The following OR4K17 variants were observed in gnomAD, a reference collection of about 807,000 sequenced individuals.
OR4K17 encodes olfactory receptor 4K17.
For synonymous variants in OR4K17, 157 were observed against 132.8 expected, an observed-to-expected ratio of 1.18 and a Z score of -1.25; for missense variants, 480 against 366.3, an observed-to-expected ratio of 1.31 and a Z score of -2.53.
Position 20,117,984 on chromosome 14 carries a change from T to A in OR4K17, c.485T>A (p.Phe162Tyr), listed in dbSNP as rs373888118. ...CTTCACTCAGGGTTTCAGATACCAT[T>A]TGCTGTGAACTTGCCCTTTTGTGGT... ...GLLHSGFQIPFAVNLPFCGPN... is the reference protein window; with the variant it reads ...GLLHSGFQIPYAVNLPFCGPN... Residue 162 changes from phenylalanine to tyrosine, a missense_variant, in exon 2 of 2, where the codon TTT becomes TAT. Coordinates refer to ENST00000641386, the MANE Select transcript of OR4K17 (RefSeq NM_001004715.5). The A allele has an allele frequency of 1.2e-6, 2 of 1,614,060 alleles. No individual in the cohort carries two copies. The highest frequency in any genetic ancestry group is 1.7e-6 in the Non-Finnish European group (2 of 1,180,034).
chr14:20,119,704 G>A lies in OR4K17; in HGVS notation c.*1266G>A, dbSNP rs1226454132. On this transcript the variant is annotated 3_prime_UTR_variant, in exon 2 of 2. Coordinates refer to ENST00000641386, the MANE Select transcript of OR4K17 (RefSeq NM_001004715.5). ...AATACAAAAATTAGCCAGGCGTGGT[G>A]GTGCATCCCTGCAATCCCAGCTATT... 1 of 152,104 alleles carries A rather than the reference G, an allele frequency of 6.6e-6. No homozygotes were observed. Among genetic ancestry groups the A allele is most frequent in the Non-Finnish European group, 1.5e-5 (1 of 68,084 alleles). The allele number at this position is 152,104 out of a possible 1,614,324, so 9.4% of individuals were successfully genotyped here. A position where few individuals can be genotyped will look rare whatever the true frequency, so the allele number is the denominator to read the frequency against.
chr14:20,115,594 G>A (rs924906430), intron 1 of OR4K17, among the ~76,000 whole-genome samples: 9 of 152,048 alleles, frequency 5.9e-5, no homozygotes, highest in African/African-American at 2.2e-4. Context: ...CTGTTACCAT[G>A]AAGATTTTAT....
Position 20,118,298 on chromosome 14 carries a change from G to C in OR4K17, c.799G>C (p.Val267Leu). The C allele has an allele frequency of 1.7e-5, 28 of 1,613,748 alleles. No individual in the cohort carries two copies. Among genetic ancestry groups the C allele is most frequent in the Non-Finnish European group, 2.4e-5 (28 of 1,179,736 alleles). The change falls in exon 2 of 2, where the codon GTA (valine) becomes CTA (leucine). Residue 267 changes from valine (V) to leucine (L), a missense_variant. Transcript: ENST00000641386. ...IYIWPFGNHSVDKFLAVFYTI... is the reference protein window; with the variant it reads ...IYIWPFGNHSLDKFLAVFYTI... ...CATTTGGCCCTTCGGCAACCACTCT[G>C]TAGATAAGTTCCTTGCTGTGTTTTA...
chr14:20,120,116 G>A lies in OR4K17; in HGVS notation c.*1678G>A, dbSNP rs1878127631. The A allele has an allele frequency of 6.6e-6, 1 of 152,184 alleles. No homozygotes were observed. The highest frequency in any genetic ancestry group is 2.4e-5 in the African/African-American group (1 of 41,442). 9.4% of individuals were successfully genotyped at this position (152,184 alleles called of 1,614,324 possible). ...TTTAGTTGTTACAATGGCTTTTGAT[G>A]TAAATGAAATAAAGTGAATCCTCAA... On this transcript the variant is annotated 3_prime_UTR_variant, in exon 2 of 2. Transcript: ENST00000641386.
Position 20,122,184 on chromosome 14 carries a change from G to C in OR4K17, c.*3746G>C, listed in dbSNP as rs957553486. The stretch of plus-strand genomic sequence containing the variant: ...CACAGAGTGGCTAAATGAATAAAAA[G>C]ATAAAACCCAACTACATACTGCCTC... On this transcript the variant is annotated 3_prime_UTR_variant, in exon 2 of 2. Transcript: ENST00000641386. The C allele has an allele frequency of 6.6e-6, 1 of 151,900 alleles. No homozygotes were observed. Among genetic ancestry groups the C allele is most frequent in the South Asian group, 2.1e-4 (1 of 4,830 alleles). 9.4% of individuals were successfully genotyped at this position (151,900 alleles called of 1,614,324 possible). A position where few individuals can be genotyped will look rare whatever the true frequency, so the allele number is the denominator to read the frequency against.
chr14:20,112,093 T>A lies in OR4K17; in HGVS notation c.-33+1201T>A, dbSNP rs961215434. 6 of 151,532 alleles carry A rather than the reference T, an allele frequency of 4.0e-5. No individual in the cohort carries two copies. In the Admixed American group the frequency reaches 4.0e-4, roughly 10 times the overall value. The allele number at this position is 151,532 out of a possible 1,614,324, so 9.4% of individuals were successfully genotyped here. A position where few individuals can be genotyped will look rare whatever the true frequency, so the allele number is the denominator to read the frequency against. ...GAGGAGTAAGGAAAACAGTGGGAGG[T>A]AAGGTGTCATAAAAAGAGACATAAT... On this transcript the variant is annotated intron_variant, in intron 1 of 1. Coordinates refer to ENST00000641386, the MANE Select transcript of OR4K17 (RefSeq NM_001004715.5).
Position 20,121,392 on chromosome 14 carries a change from A to G in OR4K17, c.*2954A>G, listed in dbSNP as rs987326722. 2.6e-5 allele frequency: 4 copies of G among 152,208 alleles called. No homozygotes were observed. Among genetic ancestry groups the G allele is most frequent in the African/African-American group, 9.6e-5 (4 of 41,470 alleles). 9.4% of individuals were successfully genotyped at this position (152,208 alleles called of 1,614,324 possible). A position where few individuals can be genotyped will look rare whatever the true frequency, so the allele number is the denominator to read the frequency against. ...AACAAAAAAATGGGGAAATTTGATG[A>G]AGAGATTGAAATAGTTTTTAAAATT... is the stretch of plus-strand genomic sequence containing the variant. On this transcript the variant is annotated 3_prime_UTR_variant, in exon 2 of 2. Coordinates refer to ENST00000641386, the MANE Select transcript of OR4K17 (RefSeq NM_001004715.5).
Position 20,118,247 on chromosome 14 carries a change from T to C in OR4K17, c.748T>C (p.Phe250Leu), listed in dbSNP as rs1878064053. Residue 250 changes from phenylalanine to leucine, a missense_variant, in exon 2 of 2, where the codon TTC becomes CTC. Phe to Leu is a conservative substitution (Grantham distance 22). Coordinates refer to ENST00000641386, the MANE Select transcript of OR4K17 (RefSeq NM_001004715.5). ...TGCTCACATCACAGTGGTGATTCTC[T>C]TCTTTGGCCCATGCATCTTTATCTA... ...LTAHITVVIL[F>L]FGPCIFIYIW... The C allele has an allele frequency of 6.2e-7, 1 of 1,614,010 alleles. No homozygotes were observed. The highest frequency in any genetic ancestry group is 8.5e-7 in the Non-Finnish European group (1 of 1,179,984).
At chr14:20,112,912 T>C (rs1877911620) in intron 1 of OR4K17, among the ~76,000 whole-genome samples, 2 of 152,178 alleles carry the variant, frequency 1.3e-5, no homozygotes, top group South Asian at 4.1e-4. Context: ...GAAAAATAAT[T>C]AAACTTGTAT....
At position 20,117,788 on chromosome 14, in the gene OR4K17, T is replaced by G. The variant is rs559109216; in HGVS notation, c.289T>G (p.Cys97Gly). ...GCAGAAGGTAATTTCTTTTGCTGGG[T>G]GCTTCACTCAGATATTTCTCCTTCA... ...KKQKVISFAG[C>G]FTQIFLLHLL... The change falls in exon 2 of 2, where the codon TGC becomes GGC. Residue 97 changes from cysteine (C) to glycine (G), a missense_variant. Coordinates refer to ENST00000641386, the MANE Select transcript of OR4K17 (RefSeq NM_001004715.5). 6.2e-7 allele frequency: 1 copy of G among 1,614,012 alleles called. No individual in the cohort carries two copies. The highest frequency in any genetic ancestry group is 8.5e-7 in the Non-Finnish European group (1 of 1,180,020).
In OR4K17 at chr14:20,120,972, A is replaced by G. The variant is rs780560722; in HGVS notation, c.*2534A>G. On this transcript the variant is annotated 3_prime_UTR_variant, in exon 2 of 2. Transcript: ENST00000641386. ...ACATCATTGGCTGCTGAAGTTCCCT[A>G]CAATCTTCATCAATGCCAACCTCAG... is the stretch of plus-strand genomic sequence containing the variant. 6.6e-6 allele frequency: 1 copy of G among 152,264 alleles called. No homozygotes were observed. The highest frequency in any genetic ancestry group is 2.4e-5 in the African/African-American group (1 of 41,454). The allele number at this position is 152,264 out of a possible 1,614,324, so 9.4% of individuals were successfully genotyped here.
At position 20,118,018 on chromosome 14, in the gene OR4K17, G is replaced by A; in HGVS notation, c.519G>A (p.Val173=). 1 of 1,614,102 alleles carries A rather than the reference G, an allele frequency of 6.2e-7. No homozygotes were observed. The highest frequency in any genetic ancestry group is 8.5e-7 in the Non-Finnish European group (1 of 1,179,994). The change falls in exon 2 of 2, where the codon GTG becomes GTA. Residue 173 remains valine (V), a synonymous_variant. Coordinates refer to ENST00000641386, the MANE Select transcript of OR4K17 (RefSeq NM_001004715.5). The part of the protein sequence containing the change: ...AVNLPFCGPN[V]VDSIFCDLPL... Reference sequence around the variant, plus strand: ...ACTTGCCCTTTTGTGGTCCCAATGTGGTAGACAGCATTTTTTGTGACCTCC... The same window carrying A: ...ACTTGCCCTTTTGTGGTCCCAATGTAGTAGACAGCATTTTTTGTGACCTCC...
intron 1 of OR4K17, among the ~76,000 whole-genome samples, chr14:20,114,175 C>A (rs1594194436): frequency 6.6e-6 from 1 of 151,626 alleles, no homozygotes; most frequent in East Asian, 1.9e-4. Flanking sequence ...CTTTATGTCA[C>A]CCTCACACAT....
In OR4K17 at chr14:20,119,402, T is replaced by C. The variant is rs1180598448; in HGVS notation, c.*964T>C. 6.6e-6 allele frequency: 1 copy of C among 152,150 alleles called. No homozygotes were observed. 9.4% of individuals were successfully genotyped at this position (152,150 alleles called of 1,614,324 possible). Reference sequence around the variant, plus strand: ...GCATAGGAAATCACAAGAGTATTGATTGGGGAAGTGATAAATGTCCATGAA... The same window carrying C: ...GCATAGGAAATCACAAGAGTATTGACTGGGGAAGTGATAAATGTCCATGAA... On this transcript the variant is annotated 3_prime_UTR_variant, in exon 2 of 2. Transcript: ENST00000641386.
intron 1 of OR4K17, among the ~76,000 whole-genome samples, chr14:20,115,061 A>G (rs982844879): frequency 2.0e-5 from 3 of 152,092 alleles, no homozygotes; most frequent in African/African-American, 2.4e-5. Context: ...ACTTTCTTGC[A>G]TAGTCTTGGG....
In OR4K17 at chr14:20,120,027, T is replaced by C. The variant is rs1878124484; in HGVS notation, c.*1589T>C. ...AATTATTGATTTTTAAAATGTTGACTGAGTTATAAAAGGTGTCAGAGACTC... is the reference window on the plus strand; with the variant it reads ...AATTATTGATTTTTAAAATGTTGACCGAGTTATAAAAGGTGTCAGAGACTC... On this transcript the variant is annotated 3_prime_UTR_variant, in exon 2 of 2. Coordinates refer to ENST00000641386, the MANE Select transcript of OR4K17 (RefSeq NM_001004715.5). 6.6e-6 allele frequency: 1 copy of C among 152,216 alleles called. No individual in the cohort carries two copies. The highest frequency in any genetic ancestry group is 6.5e-5 in the Admixed American group (1 of 15,274). 9.4% of individuals were successfully genotyped at this position (152,216 alleles called of 1,614,324 possible).
intron 1 of OR4K17, among the ~76,000 whole-genome samples, chr14:20,116,307 G>T (rs1877990241): frequency 6.6e-6 from 1 of 151,974 alleles, no homozygotes; most frequent in South Asian, 2.1e-4. Context: ...TTCTTAATCA[G>T]AATTTTCTGC....
At chr14:20,116,727 C>A (rs547673978) in intron 1 of OR4K17, among the ~76,000 whole-genome samples, 1 of 152,256 alleles carries the variant, frequency 6.6e-6, no homozygotes, top group South Asian at 2.1e-4. Flanking sequence ...CACATAGCCC[C>A]AGAGTATTCA....
At chr14:20,116,602 T>C (rs549743913) in intron 1 of OR4K17, among the ~76,000 whole-genome samples, 1 of 152,250 alleles carries the variant, frequency 6.6e-6, no homozygotes, top group South Asian at 2.1e-4. Flanking sequence ...GGATGTGATA[T>C]GTGAACTGGA....
Sources: gnomAD v4.1 joint callset for allele counts (sites outside exome capture counted in the v4.1 genomes callset) on GRCh38, gnomAD v4.1.1 for gene constraint, MANE v1.5 for transcripts, NCBI Gene and HGNC (gene_info 2026-07-23, HGNC 2026-07-21) for gene names.